The following TRMT9B variants were observed in gnomAD, a reference collection of about 807,000 sequenced individuals.
The protein encoded by TRMT9B is tRNA methyltransferase 9B (putative), also known as probable tRNA methyltransferase 9B.
A neutral mutation model predicts 11.5 loss-of-function variants in TRMT9B; 16 were observed. The observed-to-expected ratio is 1.39, with a 90% CI of 0.94 to 2.11. The LOEUF is 2.11. Ranked by LOEUF, TRMT9B falls within the 30% of genes most tolerant of loss-of-function variation. The pLI is 0.00. For missense variants in TRMT9B, 941 were observed against 553.8 expected, an observed-to-expected ratio of 1.70 and a Z score of -7.02; for synonymous variants, 274 against 192.4, an observed-to-expected ratio of 1.42 and a Z score of -3.51.
Position 13,021,255 on chromosome 8 carries a change from T to A in TRMT9B, c.576T>A (p.Pro192=). 1 of 1,614,036 alleles carries A rather than the reference T, an allele frequency of 6.2e-7. No homozygotes were observed. The highest frequency in any genetic ancestry group is 8.5e-7 in the Non-Finnish European group (1 of 1,179,900). Residue 192 remains proline (P), a synonymous_variant, in exon 5 of 5, where the codon CCT becomes CCA. Transcript: ENST00000524591. ...GYPERGHPYH[P]PCSECSCSVC... ...CAGAAAGAGGCCATCCCTACCATCCTCCTTGCTCTGAGTGTAGCTGTTCTG... is the reference window on the plus strand; with the variant it reads ...CAGAAAGAGGCCATCCCTACCATCCACCTTGCTCTGAGTGTAGCTGTTCTG...
chr8:12,951,947 G>T (rs903109784), intron 1 of TRMT9B: 1 of 153,142 alleles, frequency 6.5e-6, no homozygotes, highest in African/African-American at 2.4e-5. Context: ...GCCCCGACAC[G>T]AGCCCCGGCC....
At chr8:12,989,883 G>C (rs1445284292) in intron 1 of TRMT9B, among the ~76,000 whole-genome samples, 1 of 152,214 alleles carries the variant, frequency 6.6e-6, no homozygotes, top group Non-Finnish European at 1.5e-5. Flanking sequence ...CACAGATCAT[G>C]TGCCTACATA....
At position 13,012,874 on chromosome 8, in the gene TRMT9B, A is replaced by G; in HGVS notation, c.328+17A>G. ...CCATAGGAGGTAAGGCAGCCAGATC[A>G]CACATTCACCCTTTGCCATGAGAAT... On this transcript the variant is annotated intron_variant, in intron 4 of 4. Coordinates refer to ENST00000524591, the MANE Select transcript of TRMT9B (RefSeq NM_020844.3). 1 of 1,612,074 alleles carries G rather than the reference A, an allele frequency of 6.2e-7. No homozygotes were observed. Among genetic ancestry groups the G allele is most frequent in the Non-Finnish European group, 8.5e-7 (1 of 1,179,090 alleles).
chr8:12,952,664 C>T (rs1585053490), intron 1 of TRMT9B: 1 of 983,890 alleles, frequency 1.0e-6, no homozygotes, highest in Non-Finnish European at 1.2e-6. Flanking sequence ...TCAAAGCTCA[C>T]GATGAAAATA....
intron 2 of TRMT9B, among the ~76,000 whole-genome samples, chr8:12,998,464 G>T (rs951716402): frequency 6.6e-6 from 1 of 152,332 alleles, no homozygotes; most frequent in East Asian, 1.9e-4. Flanking sequence ...ACAGGCAAAA[G>T]TGTGGTACAG....
chr8:12,999,908 G>A (rs185721594), intron 2 of TRMT9B, among the ~76,000 whole-genome samples: 158 of 152,260 alleles, frequency 1.0e-3, no homozygotes, highest in African/African-American at 3.0e-3. Context: ...ATATCTCTAC[G>A]AGAAAGAAAA....
At chr8:13,010,957 A>G (rs1811488136) in intron 3 of TRMT9B, 1 of 902,522 alleles carries the variant, frequency 1.1e-6, no homozygotes, top group Non-Finnish European at 1.3e-6. Flanking sequence ...GGTCACATTT[A>G]CGTAGAAATA....
chr8:12,970,279 T>A (rs1803410871), intron 1 of TRMT9B: 1 of 152,246 alleles, frequency 6.6e-6, no homozygotes, highest in Non-Finnish European at 1.5e-5. Flanking sequence ...CATGAACTTT[T>A]GGTCCTGTTT....
chr8:12,948,756 C>G (rs1194223423), intron 1 of TRMT9B, among the ~76,000 whole-genome samples: 2 of 151,986 alleles, frequency 1.3e-5, no homozygotes, highest in South Asian at 2.1e-4. Context: ...GTCAGGAGAT[C>G]GAGACCATTC....
At chr8:12,978,315 C>A (rs1804773684) in intron 1 of TRMT9B, among the ~76,000 whole-genome samples, 1 of 152,186 alleles carries the variant, frequency 6.6e-6, no homozygotes, top group South Asian at 2.1e-4. Context: ...TATAAAATCT[C>A]CAGCAAGCCT....
At chr8:13,008,751 C>T (rs542119462) in intron 3 of TRMT9B, among the ~76,000 whole-genome samples, 81 of 152,092 alleles carry the variant, frequency 5.3e-4, no homozygotes, top group Admixed American at 2.5e-3. Flanking sequence ...TTTTTTGAGA[C>T]GGAGTCTTGC....
At chr8:12,991,411 T>G (rs919067221) in intron 2 of TRMT9B, among the ~76,000 whole-genome samples, 1 of 152,194 alleles carries the variant, frequency 6.6e-6, no homozygotes, top group African/African-American at 2.4e-5. Flanking sequence ...CATTTTGTAA[T>G]TAGGTCTTTT....
At chr8:13,011,261 T>C in intron 3 of TRMT9B, 16 of 975,338 alleles carry the variant, frequency 1.6e-5, no homozygotes, top group Non-Finnish European at 1.9e-5. Flanking sequence ...GCTAGGATTA[T>C]AGGCATGAGC....
chr8:12,950,760 G>A (rs569962189), intron 1 of TRMT9B, among the ~76,000 whole-genome samples: 1 of 152,078 alleles, frequency 6.6e-6, no homozygotes, highest in African/African-American at 2.4e-5. Context: ...ATAGACCAGC[G>A]TCTATGTGAG....
chr8:12,946,547 G>A (rs1800273826), intron 1 of TRMT9B, among the ~76,000 whole-genome samples: 1 of 152,162 alleles, frequency 6.6e-6, no homozygotes, highest in South Asian at 2.1e-4. Flanking sequence ...CCTCAGGTTC[G>A]AATGTGTTGA....
intron 3 of TRMT9B, among the ~76,000 whole-genome samples, chr8:13,010,053 G>T (rs1477751919): frequency 6.6e-6 from 1 of 151,720 alleles, no homozygotes. Flanking sequence ...TAGGAGGACA[G>T]ATTGAGTCTG....
chr8:12,979,269 G>A (rs2947370), intron 1 of TRMT9B, among the ~76,000 whole-genome samples: 15,280 of 152,164 alleles, frequency 0.1, 954 homozygotes, highest in African/African-American at 0.18. Context: ...TTCGCATAAA[G>A]TATGTGGGGA....
At chr8:12,963,513 G>T (rs1394404633) in intron 1 of TRMT9B, among the ~76,000 whole-genome samples, 1 of 152,114 alleles carries the variant, frequency 6.6e-6, no homozygotes, top group South Asian at 2.1e-4. Context: ...GTTTTGGGAG[G>T]CAGAGCTAGG....
At chr8:13,003,131 C>T (rs1013481197) in intron 2 of TRMT9B, among the ~76,000 whole-genome samples, 1 of 152,140 alleles carries the variant, frequency 6.6e-6, no homozygotes, top group African/African-American at 2.4e-5. Flanking sequence ...CAGACTCTGC[C>T]AGAGAAAAAT....
Sources: allele counts gnomAD v4.1 joint callset (sites outside exome capture counted in the v4.1 genomes callset), GRCh38; gene constraint gnomAD v4.1.1; transcripts MANE v1.5; gene names NCBI Gene and HGNC (gene_info 2026-07-23, HGNC 2026-07-21).